Variants in IRGM observed in about 807,000 individuals in gnomAD.
IRGM encodes the protein immunity related GTPase M.
For synonymous variants in IRGM, 98 were observed against 80.6 expected, an observed-to-expected ratio of 1.22 and a Z score of -1.16; for missense variants, 288 against 219.9, an observed-to-expected ratio of 1.31 and a Z score of -1.96.
chr5:150,867,822 G>T (rs1754228682), intron 1 of IRGM, among the ~76,000 whole-genome samples: 1 of 150,214 alleles, frequency 6.7e-6, no homozygotes, highest in African/African-American at 2.5e-5. Flanking sequence ...GTATTGATGG[G>T]ATTATTTGTT....
intron 1 of IRGM, among the ~76,000 whole-genome samples, chr5:150,874,716 G>A (rs569233613): frequency 6.6e-6 from 1 of 152,314 alleles, no homozygotes; most frequent in East Asian, 1.9e-4. Flanking sequence ...AGATCCAATG[G>A]TGCTTGAGGC....
chr5:150,878,484 C>T (rs1005155108), intron 2 of IRGM, among the ~76,000 whole-genome samples: 3 of 152,108 alleles, frequency 2.0e-5, no homozygotes, highest in Admixed American at 2.0e-4. Context: ...CCAGCTCCTC[C>T]TCCTCTCTCC....
intron 3 of IRGM, among the ~76,000 whole-genome samples, chr5:150,893,267 T>C (rs1392852768): frequency 6.6e-6 from 1 of 152,146 alleles, no homozygotes; most frequent in Non-Finnish European, 1.5e-5. Context: ...AATTATCAGT[T>C]TTCAGATTCT....
chr5:150,862,276 G>A lies in IRGM; in HGVS notation c.158+13622G>A, dbSNP rs141502341. Among the ~76,000 whole-genome samples the A allele has an allele frequency of 9.3e-3, 1,415 of 152,282 alleles. 25 individuals carry two copies. The highest frequency in any genetic ancestry group is 0.032 in the African/African-American group (1,339 of 41,554). On this transcript the variant is annotated intron_variant and NMD_transcript_variant, in intron 1 of 3. Transcript: ENST00000520549. ...AAGAGGAAGTCCTAGTAAGACACAG[G>A]ATATAATCTTACGTAATGTAGTCAC...
chr5:150,857,760 AC>A (rs1312943476), intron 1 of IRGM, among the ~76,000 whole-genome samples: 1 of 151,944 alleles, frequency 6.6e-6, no homozygotes, highest in African/African-American at 2.4e-5. Context: ...TCCTTCACCC[AC>A]TTTTTGATGG....
chr5:150,860,783 G>C (rs1302250464), intron 1 of IRGM, among the ~76,000 whole-genome samples: 1 of 152,192 alleles, frequency 6.6e-6, no homozygotes, highest in Non-Finnish European at 1.5e-5. Context: ...TAGGCTGATT[G>C]CTCGGGGTCT....
Position 150,895,713 on chromosome 5 carries a change from A to C in IRGM, c.*141-4876A>C, listed in dbSNP as rs149008930. Reference sequence around the variant, plus strand: ...TCCTGTGTGAATTCTCTGATGTCCAATGAGATGTGACTTCTGGCAGAAGGC... The same window carrying C: ...TCCTGTGTGAATTCTCTGATGTCCACTGAGATGTGACTTCTGGCAGAAGGC... On this transcript the variant is annotated intron_variant and NMD_transcript_variant, in intron 3 of 3. Coordinates refer to the IRGM transcript ENST00000520549. The C allele has an allele frequency of 1.9e-6, 3 of 1,613,490 alleles. No homozygotes were observed. In the African/African-American group the frequency reaches 4.0e-5, roughly 22 times the overall value.
At chr5:150,889,425 A>G (rs1167768877) in intron 3 of IRGM, among the ~76,000 whole-genome samples, 1 of 152,028 alleles carries the variant, frequency 6.6e-6, no homozygotes, top group Non-Finnish European at 1.5e-5. Flanking sequence ...CTGCTCCCAT[A>G]ATTCAATTAC....
chr5:150,888,237 T>C (rs568467210), intron 3 of IRGM, among the ~76,000 whole-genome samples: 1 of 152,022 alleles, frequency 6.6e-6, no homozygotes, highest in Non-Finnish European at 1.5e-5. Flanking sequence ...CATTACATAA[T>C]GGTAAAGGGT....
intron 3 of IRGM, among the ~76,000 whole-genome samples, chr5:150,883,843 T>C (rs190026937): frequency 6.6e-6 from 1 of 152,034 alleles, no homozygotes; most frequent in Admixed American, 6.6e-5. Flanking sequence ...TCTCAAACTC[T>C]TCAAAAAAAA....
downstream of IRGM, among the ~76,000 whole-genome samples, chr5:150,852,952 T>A (rs1005132913): frequency 2.0e-5 from 3 of 152,168 alleles, no homozygotes; most frequent in Non-Finnish European, 4.4e-5. Flanking sequence ...ATGGTAATCT[T>A]TGCTCATATC....
intron 1 of IRGM, among the ~76,000 whole-genome samples, chr5:150,865,159 G>A (rs868411451): frequency 1.6e-4 from 25 of 152,262 alleles, no homozygotes; most frequent in Admixed American, 6.5e-5. Flanking sequence ...ACCAGTAAGC[G>A]TTAACATTAT....
chr5:150,894,158 C>T (rs1462948882), intron 3 of IRGM, among the ~76,000 whole-genome samples: 1 of 152,050 alleles, frequency 6.6e-6, no homozygotes, highest in East Asian at 1.9e-4. Context: ...CACAGGTATT[C>T]TCATCCTTGC....
At chr5:150,898,678 G>A in intron 3 of IRGM, 1 of 1,159,086 alleles carries the variant, frequency 8.6e-7, no homozygotes, top group South Asian at 2.0e-5. Context: ...ATAAAATCCT[G>A]TTTTTAGCAA....
At chr5:150,850,475 G>A (rs977864423), downstream of IRGM, among the ~76,000 whole-genome samples, 4 of 152,182 alleles carry the variant, frequency 2.6e-5, no homozygotes, top group Admixed American at 6.5e-5. Flanking sequence ...ACTTGCTCAT[G>A]TATATATACA....
intron 3 of IRGM, chr5:150,895,602 T>C: frequency 1.2e-6 from 2 of 1,613,498 alleles, no homozygotes; most frequent in South Asian, 2.2e-5. Context: ...GTAAGGTTTC[T>C]CTCCTGTATG....
intron 3 of IRGM, chr5:150,898,470 T>G (rs764503988): frequency 1.2e-6 from 2 of 1,613,394 alleles, no homozygotes; most frequent in East Asian, 4.5e-5. Context: ...ATCACATCCC[T>G]GTACAGGGTC....
intron 1 of IRGM, among the ~76,000 whole-genome samples, chr5:150,869,063 G>C (rs1386352466): frequency 2.0e-5 from 3 of 152,128 alleles, no homozygotes; most frequent in Non-Finnish European, 4.4e-5. Flanking sequence ...TCTTGTTCCA[G>C]TTCTCAGGGG....
Position 150,848,531 on chromosome 5 carries a change from C to T in IRGM, c.408C>T (p.Asp136=), listed in dbSNP as rs914090542. ...NHVMLAKTAE[D]MGKKFYIVWT... is the part of the protein sequence containing the mutation. ...TGATGCTTGCCAAAACCGCTGAGGA[C>T]ATGGGAAAGAAGTTCTACATTGTCT... is the stretch of plus-strand genomic sequence containing the variant. The change falls in exon 2 of 2, where the codon GAC becomes GAT. Residue 136 remains aspartate, a synonymous_variant. Coordinates refer to ENST00000522154, the MANE Select transcript of IRGM (RefSeq NM_001145805.2). 7.1e-6 allele frequency: 11 copies of T among 1,551,836 alleles called. No individual in the cohort carries two copies. The highest frequency in any genetic ancestry group is 3.5e-6 in the Non-Finnish European group (4 of 1,146,988).
Sources: allele counts gnomAD v4.1 joint callset (sites outside exome capture counted in the v4.1 genomes callset), GRCh38; gene constraint gnomAD v4.1.1; transcripts MANE v1.5; gene names NCBI Gene and HGNC (gene_info 2026-07-23, HGNC 2026-07-21).